TRABD2B: variants seen among roughly 807,000 people sequenced by gnomAD.
The protein encoded by TRABD2B is metalloprotease TIKI2.
Under a neutral mutation model 40.1 loss-of-function variants are expected in TRABD2B, and 14 were observed. The ratio of observed to expected loss-of-function variants is 0.35; its 90% CI spans 0.23 to 0.55. The LOEUF (loss-of-function observed/expected upper bound fraction) is 0.55, where lower values mean the gene tolerates loss of function less well. Among genes scored for constraint, TRABD2B ranks in the 20% least tolerant of loss-of-function variants. TRABD2B has a pLI of 0.90. For missense variants in TRABD2B, 541 were observed against 648.6 expected (o/e 0.83, Z 1.80); for synonymous variants, 263 against 277.0 (o/e 0.95, Z 0.50).
chr1:47,807,361 C>A (rs1405723288), intron 2 of TRABD2B, among the ~76,000 whole-genome samples: 12 of 152,182 alleles, frequency 7.9e-5, no homozygotes, highest in African/African-American at 2.9e-4. Context: ...TATTACCATA[C>A]CCTGAGATTA....
intron 2 of TRABD2B, among the ~76,000 whole-genome samples, chr1:47,803,133 C>A (rs1200504700): frequency 6.6e-6 from 1 of 152,234 alleles, no homozygotes; most frequent in Non-Finnish European, 1.5e-5. Flanking sequence ...CCTCGGCTGT[C>A]TCCTCCAGGA....
intron 2 of TRABD2B, among the ~76,000 whole-genome samples, chr1:47,943,852 T>C (rs376396413): frequency 9.9e-5 from 15 of 151,468 alleles, no homozygotes; most frequent in African/African-American, 3.4e-4. Context: ...TGCCTTCAAA[T>C]AGAATTTACT....
At chr1:47,916,801 G>A (rs1483594133) in intron 2 of TRABD2B, among the ~76,000 whole-genome samples, 1 of 152,164 alleles carries the variant, frequency 6.6e-6, no homozygotes. Context: ...CCACTTCACA[G>A]TTGCCTTCTC....
chr1:47,793,543 G>T (rs1440776295), intron 4 of TRABD2B, among the ~76,000 whole-genome samples: 1 of 152,246 alleles, frequency 6.6e-6, no homozygotes, highest in Non-Finnish European at 1.5e-5. Context: ...GCGGCATGAG[G>T]GTGACAGGAG....
At chr1:47,845,585 C>T (rs1645457723) in intron 2 of TRABD2B, among the ~76,000 whole-genome samples, 1 of 152,178 alleles carries the variant, frequency 6.6e-6, no homozygotes. Context: ...TTAGAGACTG[C>T]TATTAATGAC....
chr1:47,799,952 T>C (rs547943694), intron 3 of TRABD2B, among the ~76,000 whole-genome samples: 3 of 152,340 alleles, frequency 2.0e-5, no homozygotes, highest in African/African-American at 7.2e-5. Flanking sequence ...CCATCTTCCC[T>C]ATGTGACTGT....
chr1:47,955,876 C>T (rs1645413473), intron 2 of TRABD2B, among the ~76,000 whole-genome samples: 1 of 152,204 alleles, frequency 6.6e-6, no homozygotes, highest in Admixed American at 6.5e-5. Flanking sequence ...CTGGCTACCA[C>T]AGATTTCAGT....
chr1:47,856,205 C>T (rs1249388162), intron 2 of TRABD2B, among the ~76,000 whole-genome samples: 1 of 152,220 alleles, frequency 6.6e-6, no homozygotes, highest in Non-Finnish European at 1.5e-5. Context: ...GCGGGCAGGA[C>T]CCCTGCCTGC....
intron 2 of TRABD2B, among the ~76,000 whole-genome samples, chr1:47,855,208 C>T (rs1023587865): frequency 6.6e-6 from 1 of 152,200 alleles, no homozygotes; most frequent in Non-Finnish European, 1.5e-5. Flanking sequence ...AGAGTTAACA[C>T]ACATTGATCT....
At chr1:47,793,229 C>T (rs901118189) in intron 4 of TRABD2B, among the ~76,000 whole-genome samples, 13 of 152,160 alleles carry the variant, frequency 8.5e-5, no homozygotes, top group African/African-American at 3.1e-4. Flanking sequence ...ACTGAGGCTA[C>T]AAGAGGGAAA....
chr1:47,878,024 C>T (rs1011875195), intron 2 of TRABD2B, among the ~76,000 whole-genome samples: 3 of 149,946 alleles, frequency 2.0e-5, no homozygotes, highest in East Asian at 4.0e-4. Context: ...AAAAAAAGAA[C>T]GTGTTTGTGG....
chr1:47,984,576 A>C (rs17104001), intron 2 of TRABD2B, among the ~76,000 whole-genome samples: 60,987 of 152,080 alleles, frequency 0.4, 12,814 homozygotes, highest in African/African-American at 0.53. Context: ...TCTCTCTAGT[A>C]GCAGTCCATG....
intron 2 of TRABD2B, among the ~76,000 whole-genome samples, chr1:47,928,719 G>A (rs1645001212): frequency 1.3e-5 from 2 of 152,266 alleles, no homozygotes; most frequent in Non-Finnish European, 2.9e-5. Context: ...GTACCTAAGT[G>A]TACTAGTACA....
intron 2 of TRABD2B, among the ~76,000 whole-genome samples, chr1:47,913,114 TCCAGGGCAGC>T (rs1249610323): frequency 6.6e-6 from 1 of 152,232 alleles, no homozygotes; most frequent in Admixed American, 6.5e-5. Context: ...TAGCCTCCAC[TCCAGGGCAGC>T]CCAACAGACT....
intron 2 of TRABD2B, among the ~76,000 whole-genome samples, chr1:47,916,310 T>C (rs1430870107): frequency 1.3e-5 from 2 of 152,000 alleles, no homozygotes; most frequent in Non-Finnish European, 2.9e-5. Context: ...CAACATCCAC[T>C]AAGGAGTCCA....
chr1:47,981,444 G>A (rs1217873902), intron 2 of TRABD2B, among the ~76,000 whole-genome samples: 1 of 152,168 alleles, frequency 6.6e-6, no homozygotes, highest in African/African-American at 2.4e-5. Context: ...ACCGCTCTGT[G>A]ACTCAGTTTC....
intron 2 of TRABD2B, among the ~76,000 whole-genome samples, chr1:47,838,960 TG>T (rs1645356624): frequency 6.6e-6 from 1 of 152,248 alleles, no homozygotes; most frequent in Non-Finnish European, 1.5e-5. Context: ...GGGCTGTTTC[TG>T]TCTGCCCTTG....
intron 2 of TRABD2B, among the ~76,000 whole-genome samples, chr1:47,977,821 A>G (rs1174850743): frequency 1.3e-5 from 2 of 152,126 alleles, no homozygotes; most frequent in East Asian, 1.9e-4. Context: ...GTATCATCAC[A>G]GGAAGAGGAA....
At chr1:47,809,559 C>A (rs909609095) in intron 2 of TRABD2B, among the ~76,000 whole-genome samples, 1 of 152,192 alleles carries the variant, frequency 6.6e-6, no homozygotes, top group Non-Finnish European at 1.5e-5. Flanking sequence ...TCACAGGAAG[C>A]CTTCTCTGGC....
Sources: allele counts gnomAD v4.1 joint callset (sites outside exome capture counted in the v4.1 genomes callset), GRCh38; gene constraint gnomAD v4.1.1; transcripts MANE v1.5; gene names NCBI Gene and HGNC (gene_info 2026-07-23, HGNC 2026-07-21).